Variants in DIAPH3 observed in about 807,000 individuals in gnomAD.
DIAPH3 encodes the protein protein diaphanous homolog 3.
DIAPH3 carries 117 observed loss-of-function variants against 144.3 expected under a neutral mutation model. The ratio of observed to expected loss-of-function variants is 0.81; its 90% confidence interval spans 0.70 to 0.95. The LOEUF is 0.95. Ranked by LOEUF, DIAPH3 falls within the 40% of genes least tolerant of loss-of-function variation. DIAPH3 has a pLI of 0.00. For synonymous variants in DIAPH3, 519 were observed against 488.9 expected, an observed-to-expected ratio of 1.06 and a Z score of -0.81; for missense variants, 1,421 against 1,412.7, an observed-to-expected ratio of 1.01 and a Z score of -0.09.
At chr13:59,879,781 C>T (rs2140056971) in intron 20 of DIAPH3, among the ~76,000 whole-genome samples, 1 of 152,156 alleles carries the variant, frequency 6.6e-6, no homozygotes, top group Non-Finnish European at 1.5e-5. Context: ...GATACATAGG[C>T]CACAAATTAC....
At chr13:60,044,330 AT>A (rs796956307) in intron 4 of DIAPH3, 7 of 152,350 alleles carry the variant, frequency 4.6e-5, no homozygotes, top group African/African-American at 1.7e-4. Flanking sequence ...AACATTCCCA[AT>A]AAAGCAAAAC....
intron 22 of DIAPH3, among the ~76,000 whole-genome samples, chr13:59,841,295 A>G (rs1489105078): frequency 1.3e-5 from 2 of 152,138 alleles, no homozygotes; most frequent in Non-Finnish European, 2.9e-5. Context: ...TGACTAAATA[A>G]AGGTTCAAAA....
intron 17 of DIAPH3, among the ~76,000 whole-genome samples, chr13:59,968,105 A>G (rs2050159207): frequency 6.6e-6 from 1 of 152,222 alleles, no homozygotes; most frequent in East Asian, 1.9e-4. Flanking sequence ...TAGAGCAAAT[A>G]CATCATTTTT....
At chr13:59,983,716 A>T (rs2051182399) in intron 13 of DIAPH3, 53 bp downstream of exon 13, 2 of 1,261,812 alleles carry the variant, frequency 1.6e-6, no homozygotes, top group Admixed American at 1.7e-5. Context: ...CCTAGAGCTC[A>T]TTCATAGAAT....
chr13:60,013,233 T>C, intron 7 of DIAPH3: 1 of 984,538 alleles, frequency 1.0e-6, no homozygotes, highest in Non-Finnish European at 1.2e-6. Context: ...ATGAGGCCTA[T>C]TATTAGCTAA....
At chr13:59,819,970 C>A (rs341523) in intron 24 of DIAPH3, among the ~76,000 whole-genome samples, 92,818 of 151,478 alleles carry the variant, frequency 0.61, 28,909 homozygotes, top group East Asian at 0.7. Flanking sequence ...TGAAATAATG[C>A]ATGTAAATAG....
chr13:59,977,280 T>C (rs339536), intron 14 of DIAPH3, among the ~76,000 whole-genome samples: 114,310 of 151,632 alleles, frequency 0.75, 43,201 homozygotes, highest in Admixed American at 0.81. Flanking sequence ...AGGAATGATG[T>C]TTGACCTCAA....
intron 27 of DIAPH3, among the ~76,000 whole-genome samples, chr13:59,749,805 T>G (rs1222547869): frequency 6.6e-6 from 1 of 152,176 alleles, no homozygotes; most frequent in Non-Finnish European, 1.5e-5. Context: ...TGGAATGGTA[T>G]CTGTTTTAAT....
At chr13:59,755,453 A>G (rs1241332389) in intron 27 of DIAPH3, among the ~76,000 whole-genome samples, 1 of 152,170 alleles carries the variant, frequency 6.6e-6, no homozygotes, top group East Asian at 1.9e-4. Flanking sequence ...ACCTTGATAG[A>G]TTAGAGAAAC....
At chr13:59,845,682 C>G (rs575871904) in intron 22 of DIAPH3, among the ~76,000 whole-genome samples, 1 of 152,312 alleles carries the variant, frequency 6.6e-6, no homozygotes, top group African/African-American at 2.4e-5. Context: ...GTGCACTTCA[C>G]CCCTGGGTCA....
At chr13:59,987,287 G>T (rs1285930242) in intron 12 of DIAPH3, among the ~76,000 whole-genome samples, 1 of 149,162 alleles carries the variant, frequency 6.7e-6, no homozygotes, top group Non-Finnish European at 1.5e-5. Context: ...AGATCACATG[G>T]ACACATGAAG....
chr13:59,927,153 C>T lies in DIAPH3; in HGVS notation c.2075-2283G>A, dbSNP rs1380979247. 2.0e-5 allele frequency among the ~76,000 whole-genome samples: 3 copies of T among 152,114 alleles called. 1 individual carries two copies. The highest frequency in any genetic ancestry group is 4.1e-4 in the South Asian group (2 of 4,822). On this transcript the variant is annotated intron_variant, in intron 17 of 27. Coordinates refer to ENST00000400324, the MANE Select transcript of DIAPH3 (RefSeq NM_001042517.2). ...TATAGCTTATCCCTGCACACTTTGA[C>T]TTTTCATTTACATACATTACATTTT... is the stretch of plus-strand genomic sequence containing the variant.
intron 21 of DIAPH3, among the ~76,000 whole-genome samples, chr13:59,870,371 T>C (rs1427466132): frequency 1.3e-5 from 2 of 152,120 alleles, no homozygotes; most frequent in East Asian, 1.9e-4. Flanking sequence ...ATTTTCCTTA[T>C]TGCAGCTTTA....
intron 2 of DIAPH3, among the ~76,000 whole-genome samples, chr13:60,122,233 T>C (rs1345592723): frequency 6.6e-6 from 1 of 152,160 alleles, no homozygotes; most frequent in Non-Finnish European, 1.5e-5. Flanking sequence ...CCTAAACATG[T>C]ACAGGTTGTT....
intron 27 of DIAPH3, among the ~76,000 whole-genome samples, chr13:59,734,161 G>T (rs1293734668): frequency 6.6e-6 from 1 of 152,060 alleles, no homozygotes; most frequent in East Asian, 1.9e-4. Flanking sequence ...ATATATAAAA[G>T]GTAGATATTT....
At chr13:59,782,962 C>G (rs2038820762) in intron 25 of DIAPH3, among the ~76,000 whole-genome samples, 1 of 152,038 alleles carries the variant, frequency 6.6e-6, no homozygotes, top group Non-Finnish European at 1.5e-5. Flanking sequence ...AAGAGAGAGC[C>G]GGGGCCAACT....
At chr13:59,670,262 C>A (rs1391718989) in intron 27 of DIAPH3, among the ~76,000 whole-genome samples, 1 of 152,126 alleles carries the variant, frequency 6.6e-6, no homozygotes, top group Non-Finnish European at 1.5e-5. Flanking sequence ...AGGAAAGAGG[C>A]CATTCCTGAG....
chr13:59,847,775 G>C (rs1393580105), intron 22 of DIAPH3, among the ~76,000 whole-genome samples: 6 of 152,086 alleles, frequency 3.9e-5, no homozygotes, highest in East Asian at 1.9e-4. Flanking sequence ...GCTGCTATTG[G>C]AGACCAGGTC....
intron 27 of DIAPH3, among the ~76,000 whole-genome samples, chr13:59,773,116 C>T (rs913700993): frequency 5.3e-5 from 8 of 152,070 alleles, no homozygotes; most frequent in African/African-American, 1.9e-4. Flanking sequence ...TATTCCAACT[C>T]TTTTTATTTG....
Sources: gnomAD v4.1 joint callset for allele counts (sites outside exome capture counted in the v4.1 genomes callset) on GRCh38, gnomAD v4.1.1 for gene constraint, MANE v1.5 for transcripts, NCBI Gene and HGNC (gene_info 2026-07-23, HGNC 2026-07-21) for gene names.